The following USP8 variants were observed in gnomAD, a reference collection of about 807,000 sequenced individuals.
USP8 encodes ubiquitin specific peptidase 8.
Under a neutral mutation model 130.0 loss-of-function variants are expected in USP8, and 27 were observed. That is an observed-to-expected ratio of 0.21 (90% CI 0.15 to 0.29). USP8 has a LOEUF of 0.29. Among genes scored for constraint, USP8 ranks in the 10% least tolerant of loss-of-function variants. The pLI is 1.00. For missense variants in USP8, 1,029 were observed against 1,312.2 expected (o/e 0.78, Z 3.33); for synonymous variants, 392 against 444.1 (o/e 0.88, Z 1.48).
chr15:50,440,020 C>T (rs2050204553), intron 2 of USP8, among the ~76,000 whole-genome samples: 1 of 151,960 alleles, frequency 6.6e-6, no homozygotes, highest in Non-Finnish European at 1.5e-5. Context: ...GTGGAGGTTG[C>T]AGTGAGTCAA....
chr15:50,472,936 G>A (rs1159808859), intron 8 of USP8, among the ~76,000 whole-genome samples: 2 of 152,058 alleles, frequency 1.3e-5, no homozygotes, highest in Non-Finnish European at 2.9e-5. Flanking sequence ...AAGATTACAA[G>A]GCAGAAGACA....
intron 16 of USP8, among the ~76,000 whole-genome samples, chr15:50,495,491 G>A (rs993973777): frequency 6.7e-6 from 1 of 148,912 alleles, no homozygotes; most frequent in South Asian, 2.2e-4. Context: ...ATTGGAGGGG[G>A]GGGTCTCACT....
At chr15:50,491,309 T>A (rs1002889837) in intron 14 of USP8, among the ~76,000 whole-genome samples, 3 of 152,238 alleles carry the variant, frequency 2.0e-5, no homozygotes, top group African/African-American at 7.2e-5. Context: ...CCTAAGTAAG[T>A]TGAACACATC....
intron 4 of USP8, among the ~76,000 whole-genome samples, chr15:50,454,455 CTT>C (rs112075064): frequency 7.4e-6 from 1 of 134,964 alleles, no homozygotes; most frequent in Non-Finnish European, 1.6e-5. Context: ...ATTTTCTTTT[CTT>C]TTTTTTTTTT....
intron 13 of USP8, among the ~76,000 whole-genome samples, 167 bp from the exon 14 acceptor site, chr15:50,490,096 T>C (rs1473296870): frequency 1.3e-5 from 2 of 152,242 alleles, no homozygotes; most frequent in African/African-American, 4.8e-5. Context: ...CATTTAGAAA[T>C]AGTGTATTAC....
At chr15:50,429,962 C>G (rs987396717) in intron 1 of USP8, among the ~76,000 whole-genome samples, 43 of 152,230 alleles carry the variant, frequency 2.8e-4, no homozygotes, top group African/African-American at 9.6e-4. Flanking sequence ...AAAACAGTTA[C>G]CCTTTTGTTA....
At chr15:50,487,374 GA>G (rs1160717410) in intron 12 of USP8, among the ~76,000 whole-genome samples, 3 of 151,272 alleles carry the variant, frequency 2.0e-5, no homozygotes, top group Non-Finnish European at 3.0e-5. Flanking sequence ...GAGAGAGAGA[GA>G]GAGAGAGACA....
chr15:50,506,981 A>C lies in USP8; in HGVS notation c.*7893A>C. The C allele has an allele frequency of 6.5e-6, 1 of 152,916 alleles. No homozygotes were observed. The highest frequency in any genetic ancestry group is 1.4e-5 in the Non-Finnish European group (1 of 69,704). The allele number at this position is 152,916 out of a possible 1,614,324, so 9.5% of individuals were successfully genotyped here. ...TCAAAAAAAAAAAAAAAAAAAAAAAAAAAAAAAAATCCAGTTTTAGGCCAA... is the reference window on the plus strand; with the variant it reads ...TCAAAAAAAAAAAAAAAAAAAAAAACAAAAAAAAATCCAGTTTTAGGCCAA... On this transcript the variant is annotated 3_prime_UTR_variant, in exon 20 of 20. Transcript: ENST00000307179.
intron 3 of USP8, among the ~76,000 whole-genome samples, chr15:50,449,020 C>T (rs1268998153): frequency 1.3e-5 from 2 of 152,168 alleles, no homozygotes; most frequent in African/African-American, 2.4e-5. Context: ...TGTCTGTACA[C>T]AATTTGCTTT....
At chr15:50,453,669 G>C (rs1275018899) in intron 4 of USP8, among the ~76,000 whole-genome samples, 1 of 152,062 alleles carries the variant, frequency 6.6e-6, no homozygotes, top group Non-Finnish European at 1.5e-5. Context: ...TACTGACTGT[G>C]GGATGGGGGT....
chr15:50,480,354 C>T (rs1386051112), intron 10 of USP8, among the ~76,000 whole-genome samples: 2 of 152,172 alleles, frequency 1.3e-5, no homozygotes, highest in Non-Finnish European at 2.9e-5. Flanking sequence ...CCCTCAGTAA[C>T]ATAGTTACTA....
Position 50,435,390 on chromosome 15 carries a change from G to T in USP8, c.-65-3619G>T, listed in dbSNP as rs2050064590. Among the ~76,000 whole-genome samples, 6 of 152,228 alleles carry T rather than the reference G, an allele frequency of 3.9e-5. No individual in the cohort carries two copies. The South Asian group carries it at 1.2e-3, about 32-fold the overall frequency. ...TTATATAACATTTACATTGTATTAG[G>T]TATTATAAGTAATCTTGAGATGATT... On this transcript the variant is annotated intron_variant, in intron 1 of 19. Transcript: ENST00000307179.
At chr15:50,448,634 G>T (rs972316020) in intron 3 of USP8, among the ~76,000 whole-genome samples, 1 of 151,212 alleles carries the variant, frequency 6.6e-6, no homozygotes, top group Non-Finnish European at 1.5e-5. Flanking sequence ...ATTCTCCTGC[G>T]TCAGCTTCCT....
chr15:50,468,083 G>T (rs2051250796), intron 7 of USP8, among the ~76,000 whole-genome samples: 1 of 151,626 alleles, frequency 6.6e-6, no homozygotes, highest in South Asian at 2.1e-4. Context: ...TTACAGGCAC[G>T]TGTCACCTTG....
chr15:50,511,204 A>G lies in USP8; in HGVS notation c.*12116A>G, dbSNP rs996951546. Reference sequence around the variant, plus strand: ...CATCATTAGTCATTAGGAAAATGCAACTCAAAACCATGACATACCAGTTCA... The same window carrying G: ...CATCATTAGTCATTAGGAAAATGCAGCTCAAAACCATGACATACCAGTTCA... On this transcript the variant is annotated 3_prime_UTR_variant, in exon 20 of 20. Transcript: ENST00000307179. The G allele has an allele frequency of 2.6e-5, 4 of 152,186 alleles. No homozygotes were observed. Among genetic ancestry groups the G allele is most frequent in the African/African-American group, 9.7e-5 (4 of 41,444 alleles). 9.4% of individuals were successfully genotyped at this position (152,186 alleles called of 1,614,324 possible). A position where few individuals can be genotyped will look rare whatever the true frequency, so the allele number is the denominator to read the frequency against.
At chr15:50,474,135 G>A (rs1405730474) in intron 8 of USP8, among the ~76,000 whole-genome samples, 5 of 152,098 alleles carry the variant, frequency 3.3e-5, no homozygotes, top group African/African-American at 1.2e-4. Context: ...CTCCTGAGTA[G>A]CTGAGGCGTG....
chr15:50,469,107 G>A (rs1421193132), intron 7 of USP8, among the ~76,000 whole-genome samples: 6 of 152,208 alleles, frequency 3.9e-5, no homozygotes, highest in Middle Eastern at 3.4e-3. Flanking sequence ...GTTATTGTGT[G>A]TAGTTGTAGT....
chr15:50,434,231 T>C (rs925266780), intron 1 of USP8, among the ~76,000 whole-genome samples: 14 of 151,980 alleles, frequency 9.2e-5, no homozygotes, highest in African/African-American at 3.1e-4. Context: ...GCCTCCTGAA[T>C]AGCTGGGATT....
chr15:50,433,633 G>A (rs2049997825), intron 1 of USP8, among the ~76,000 whole-genome samples: 2 of 151,766 alleles, frequency 1.3e-5, no homozygotes, highest in South Asian at 4.2e-4. Context: ...TTTTTGAGAT[G>A]GAGTCTCTGT....
Sources: gnomAD v4.1 joint callset for allele counts (sites outside exome capture counted in the v4.1 genomes callset) on GRCh38, gnomAD v4.1.1 for gene constraint, MANE v1.5 for transcripts, NCBI Gene and HGNC (gene_info 2026-07-23, HGNC 2026-07-21) for gene names.